Variants in FOXJ3 observed in about 807,000 individuals in gnomAD.
FOXJ3 encodes the protein forkhead box J3.
A neutral mutation model predicts 76.1 loss-of-function variants in FOXJ3; 22 were observed. The observed-to-expected ratio is 0.29, with a 90% confidence interval of 0.21 to 0.41. FOXJ3 has a LOEUF of 0.41. Among genes scored for constraint, FOXJ3 ranks in the 10% least tolerant of loss-of-function variants. The pLI, the probability that FOXJ3 is intolerant of heterozygous loss-of-function variation, is 1.00. For missense variants in FOXJ3, 613 were observed against 762.1 expected (o/e 0.80, Z 2.30); for synonymous variants, 269 against 261.2 (o/e 1.03, Z -0.29).
At chr1:42,187,126 G>GCATGAGC (rs1417320963) in intron 11 of FOXJ3, among the ~76,000 whole-genome samples, 6 of 152,242 alleles carry the variant, frequency 3.9e-5, no homozygotes, top group Non-Finnish European at 8.8e-5. Flanking sequence ...GGGATTGCAG[G>GCATGAGC]CATGAGCCAC....
At chr1:42,243,181 T>C (rs343389) in intron 4 of FOXJ3, among the ~76,000 whole-genome samples, 111,368 of 152,058 alleles carry the variant, frequency 0.73, 40,985 homozygotes, top group Admixed American at 0.81. Context: ...AAAGGGCTTA[T>C]GGGAGTCCTA....
At chr1:42,268,012 G>C (rs1372713445) in intron 3 of FOXJ3, among the ~76,000 whole-genome samples, 1 of 151,724 alleles carries the variant, frequency 6.6e-6, no homozygotes, top group East Asian at 1.9e-4. Flanking sequence ...TAAAGTCCCA[G>C]AAGGAGAAAA....
intron 9 of FOXJ3, chr1:42,189,735 A>C (rs1646506579): frequency 4.2e-6 from 1 of 236,010 alleles, no homozygotes. Flanking sequence ...GTAATATCAA[A>C]CTTGATACTG....
At chr1:42,199,381 T>TA (rs1646715134) in intron 6 of FOXJ3, 151 bp from the exon 7 acceptor site, 1 of 570,804 alleles carries the variant, frequency 1.8e-6, no homozygotes, top group East Asian at 2.7e-5. Context: ...CCCATATGGC[T>TA]AAGTTCGTGT....
At chr1:42,200,652 T>A (rs1032166348) in intron 6 of FOXJ3, among the ~76,000 whole-genome samples, 3 of 151,980 alleles carry the variant, frequency 2.0e-5, no homozygotes, top group Non-Finnish European at 4.4e-5. Flanking sequence ...CTAATTGTTG[T>A]TATTTTTAGT....
chr1:42,267,778 A>G (rs962266303), intron 3 of FOXJ3, among the ~76,000 whole-genome samples: 1 of 152,164 alleles, frequency 6.6e-6, no homozygotes, highest in Non-Finnish European at 1.5e-5. Context: ...AAAACTAAAG[A>G]AAGAGACAAA....
chr1:42,330,944 T>G (rs1656122415), intron 1 of FOXJ3, among the ~76,000 whole-genome samples: 1 of 152,184 alleles, frequency 6.6e-6, no homozygotes, highest in Non-Finnish European at 1.5e-5. Context: ...AAACACTATA[T>G]GAATGTTCAA....
intron 4 of FOXJ3, among the ~76,000 whole-genome samples, chr1:42,235,395 G>C (rs1184205975): frequency 6.6e-6 from 1 of 152,124 alleles, no homozygotes; most frequent in Non-Finnish European, 1.5e-5. Context: ...CGCTCGGTGC[G>C]CTGCACCCAC....
chr1:42,214,104 G>T (rs1054843867), intron 5 of FOXJ3, among the ~76,000 whole-genome samples: 1 of 151,950 alleles, frequency 6.6e-6, no homozygotes, highest in Non-Finnish European at 1.5e-5. Flanking sequence ...AATAAGAAAG[G>T]TGACAGCTTT....
At chr1:42,312,140 T>C (rs1654852515) in intron 1 of FOXJ3, among the ~76,000 whole-genome samples, 1 of 152,146 alleles carries the variant, frequency 6.6e-6, no homozygotes. Context: ...GGCAGGAGTA[T>C]TATAGACCCA....
At chr1:42,294,630 C>T (rs1374345527) in intron 2 of FOXJ3, among the ~76,000 whole-genome samples, 5 of 152,120 alleles carry the variant, frequency 3.3e-5, no homozygotes, top group Non-Finnish European at 5.9e-5. Context: ...GCTGTGGTGG[C>T]GGGCACCTGT....
chr1:42,196,463 C>T (rs201573039), intron 7 of FOXJ3, among the ~76,000 whole-genome samples: 26 of 152,250 alleles, frequency 1.7e-4, no homozygotes, highest in East Asian at 5.8e-4. Context: ...GAGGCCGAGG[C>T]GGGCGGATCA....
At chr1:42,303,881 A>G (rs1654305799) in intron 2 of FOXJ3, among the ~76,000 whole-genome samples, 1 of 152,168 alleles carries the variant, frequency 6.6e-6, no homozygotes, top group Non-Finnish European at 1.5e-5. Flanking sequence ...CAGCAAACCT[A>G]TTTTGCTTTG....
chr1:42,230,630 G>C (rs374524481), intron 4 of FOXJ3, among the ~76,000 whole-genome samples: 6 of 152,230 alleles, frequency 3.9e-5, no homozygotes, highest in Admixed American at 6.5e-5. Flanking sequence ...TCCACTAGTG[G>C]CATCATGTTG....
At chr1:42,210,303 T>C (rs1451854027) in intron 5 of FOXJ3, among the ~76,000 whole-genome samples, 1 of 152,164 alleles carries the variant, frequency 6.6e-6, no homozygotes, top group African/African-American at 2.4e-5. Flanking sequence ...CATCTGGCTT[T>C]GTCCCTTCAC....
intron 2 of FOXJ3, among the ~76,000 whole-genome samples, chr1:42,304,392 G>GA (rs767519272): frequency 3.2e-4 from 48 of 151,294 alleles, no homozygotes; most frequent in African/African-American, 3.9e-4. Context: ...CACAGACATA[G>GA]AAAAAAAAAT....
chr1:42,251,736 T>TTTTTTTG (rs1650083795), intron 4 of FOXJ3, among the ~76,000 whole-genome samples: 1 of 90,166 alleles, frequency 1.1e-5, no homozygotes, highest in Non-Finnish European at 2.3e-5. Flanking sequence ...TTTTTTTTTT[T>TTTTTTTG]GAGACGGAGT....
intron 1 of FOXJ3, among the ~76,000 whole-genome samples, chr1:42,319,585 G>T (rs957084376): frequency 2.0e-5 from 3 of 152,174 alleles, no homozygotes; most frequent in Non-Finnish European, 4.4e-5. Flanking sequence ...AAATTAGACT[G>T]TAGCAATGGT....
chr1:42,316,718 A>G (rs1570242791), intron 1 of FOXJ3, among the ~76,000 whole-genome samples: 1 of 152,342 alleles, frequency 6.6e-6, no homozygotes, highest in Middle Eastern at 3.4e-3. Flanking sequence ...TGAAAGCATT[A>G]GTGTAACACC....
Sources: gnomAD v4.1 joint callset for allele counts (sites outside exome capture counted in the v4.1 genomes callset) on GRCh38, gnomAD v4.1.1 for gene constraint, MANE v1.5 for transcripts, NCBI Gene and HGNC (gene_info 2026-07-23, HGNC 2026-07-21) for gene names.